Variants in RASGRF2 observed in about 807,000 individuals in gnomAD.
The protein encoded by RASGRF2 is Ras protein specific guanine nucleotide releasing factor 2, also known as ras-specific guanine nucleotide-releasing factor 2.
A neutral mutation model predicts 151.0 loss-of-function variants in RASGRF2; 76 were observed. The ratio of observed to expected loss-of-function variants is 0.50; its 90% CI spans 0.42 to 0.61. RASGRF2 has a LOEUF of 0.61. RASGRF2 is among the 20% of genes least tolerant of loss of function. The pLI is 0.00. For missense variants in RASGRF2, 1,148 were observed against 1,564.6 expected, an observed-to-expected ratio of 0.73 and a Z score of 4.49; for synonymous variants, 504 against 566.5, an observed-to-expected ratio of 0.89 and a Z score of 1.57.
intron 22 of RASGRF2, 35 bp downstream of exon 22, chr5:81,208,473 C>A: frequency 6.9e-7 from 1 of 1,457,256 alleles, no homozygotes; most frequent in South Asian, 1.1e-5. Flanking sequence ...GTGGGCGTGT[C>A]ACAAGAAGAT....
At chr5:81,200,273 A>T (rs1236871717) in intron 18 of RASGRF2, among the ~76,000 whole-genome samples, 2 of 108,646 alleles carry the variant, frequency 1.8e-5, no homozygotes, top group East Asian at 2.2e-4. Context: ...CCTGTGATTT[A>T]AAAAAAAAAA....
intron 5 of RASGRF2, among the ~76,000 whole-genome samples, chr5:81,078,537 G>T (rs150043094): frequency 1.3e-5 from 2 of 152,168 alleles, no homozygotes; most frequent in African/African-American, 4.8e-5. Flanking sequence ...TTAACATAAT[G>T]TGAAGAGGTG....
chr5:81,030,732 A>C (rs1344505913), intron 1 of RASGRF2, among the ~76,000 whole-genome samples: 1 of 152,204 alleles, frequency 6.6e-6, no homozygotes, highest in Non-Finnish European at 1.5e-5. Flanking sequence ...CCAGGAAGAA[A>C]CCGCATCAAC....
intron 9 of RASGRF2, among the ~76,000 whole-genome samples, chr5:81,088,844 T>C (rs941762432): frequency 2.0e-5 from 3 of 152,174 alleles, no homozygotes; most frequent in African/African-American, 7.2e-5. Flanking sequence ...TTCACTGCAA[T>C]TGGAGAGAAA....
intron 14 of RASGRF2, 122 bp downstream of exon 14, chr5:81,112,980 G>T: frequency 7.8e-7 from 1 of 1,281,108 alleles, no homozygotes; most frequent in Non-Finnish European, 1.1e-6. Flanking sequence ...GCTTGCCTCT[G>T]AATGTACCAT....
chr5:81,133,669 C>A (rs1362822211), intron 17 of RASGRF2, among the ~76,000 whole-genome samples: 1 of 152,152 alleles, frequency 6.6e-6, no homozygotes, highest in East Asian at 1.9e-4. Flanking sequence ...GTACTATAAG[C>A]AACTCCTGGT....
chr5:81,029,913 T>G lies in RASGRF2; in HGVS notation c.289-12964T>G, dbSNP rs1453995437. Among the ~76,000 whole-genome samples the G allele has an allele frequency of 2.0e-5, 3 of 152,142 alleles. No homozygotes were observed. The South Asian group carries it at 6.2e-4, about 31-fold the overall frequency. On this transcript the variant is annotated intron_variant, in intron 1 of 26. Transcript: ENST00000265080. ...GAAGCTAAAAACCTTGAAAAAAGAT[T>G]AGATGAATGGCTAACTAGAATAAAC...
chr5:81,220,248 A>G (rs914863767), intron 26 of RASGRF2, among the ~76,000 whole-genome samples: 1 of 152,080 alleles, frequency 6.6e-6, no homozygotes, highest in Non-Finnish European at 1.5e-5. Context: ...TATGGCCCCT[A>G]CTTTTTTCTT....
At chr5:80,984,221 T>C (rs1392704933) in intron 1 of RASGRF2, among the ~76,000 whole-genome samples, 1 of 152,160 alleles carries the variant, frequency 6.6e-6, no homozygotes, top group Non-Finnish European at 1.5e-5. Flanking sequence ...ACCAGGCTAA[T>C]TTTTGTATTT....
At chr5:80,986,808 T>G (rs1748485131) in intron 1 of RASGRF2, among the ~76,000 whole-genome samples, 1 of 152,214 alleles carries the variant, frequency 6.6e-6, no homozygotes, top group Non-Finnish European at 1.5e-5. Flanking sequence ...ATTCTCCACA[T>G]TGCCATGGCA....
intron 26 of RASGRF2, among the ~76,000 whole-genome samples, chr5:81,222,903 A>AAGAAAAACTG (rs1755884412): frequency 6.6e-6 from 1 of 152,256 alleles, no homozygotes; most frequent in Non-Finnish European, 1.5e-5. Context: ...AGAAAAATCT[A>AAGAAAAACTG]AGAAAAACTG....
rs1187452799 is a variant in RASGRF2, at chr5:81,073,398, G to C, written c.833G>C (p.Ser278Thr). 6.2e-7 allele frequency: 1 copy of C among 1,614,152 alleles called. No individual in the cohort carries two copies. Among genetic ancestry groups the C allele is most frequent in the Non-Finnish European group, 8.5e-7 (1 of 1,180,020 alleles). The change falls in exon 5 of 27, where the codon AGC becomes ACC. Residue 278 changes from serine to threonine, a missense_variant. Transcript: ENST00000265080. ...GFLRPLRMAA[S>T]SKKPPISHDD... is the part of the protein sequence containing the mutation. ...CTCCGGCCCCTGCGTATGGCCGCCA[G>C]CTCCAAGAAGCCCCCCATCAGCCAC...
chr5:81,048,963 C>T lies in RASGRF2; in HGVS notation c.395+5980C>T, dbSNP rs557320087. On this transcript the variant is annotated intron_variant, in intron 2 of 26. Coordinates refer to ENST00000265080, the MANE Select transcript of RASGRF2 (RefSeq NM_006909.3). ...AGCCCGGCTTCTTGAAGAAATGGTTCGGTTGCTCTCCTAGGCACGCAGCTC... is the reference window on the plus strand; with the variant it reads ...AGCCCGGCTTCTTGAAGAAATGGTTTGGTTGCTCTCCTAGGCACGCAGCTC... Among the ~76,000 whole-genome samples the T allele has an allele frequency of 5.9e-5, 9 of 152,120 alleles. No homozygotes were observed. In the South Asian group the frequency reaches 1.7e-3, roughly 28 times the overall value.
intron 1 of RASGRF2, among the ~76,000 whole-genome samples, chr5:81,016,864 A>C (rs1561556090): frequency 1.3e-5 from 2 of 152,174 alleles, no homozygotes; most frequent in Non-Finnish European, 2.9e-5. Context: ...TCAAGCTTAA[A>C]AAATATAAAC....
chr5:80,960,615 G>A lies in RASGRF2; in HGVS notation c.-124G>A. On this transcript the variant is annotated 5_prime_UTR_variant, in exon 1 of 27. Transcript: ENST00000265080. The surrounding 1 kb of genome is among the most constrained non-coding windows in gnomAD (Gnocchi z 5.5). ...GCGGGGTGCCCTGCGCGCGGCGTGG[G>A]GAAAGGGGGCGCCCTTCGCCGGCCG... 2.0e-6 allele frequency: 2 copies of A among 979,924 alleles called. No individual in the cohort carries two copies. The highest frequency in any genetic ancestry group is 1.3e-6 in the Non-Finnish European group (1 of 759,186). 60.7% of individuals were successfully genotyped at this position (979,924 alleles called of 1,614,324 possible).
At chr5:81,211,629 A>G (rs1755632978) in intron 22 of RASGRF2, among the ~76,000 whole-genome samples, 1 of 152,226 alleles carries the variant, frequency 6.6e-6, no homozygotes, top group East Asian at 1.9e-4. Flanking sequence ...TCATCAAAGA[A>G]TGGGTGAATC....
intron 1 of RASGRF2, among the ~76,000 whole-genome samples, chr5:80,963,553 A>G (rs944136804): frequency 6.6e-6 from 1 of 152,200 alleles, no homozygotes; most frequent in Non-Finnish European, 1.5e-5. Context: ...TTCTAAGGTT[A>G]TGACAGACAG....
intron 1 of RASGRF2, among the ~76,000 whole-genome samples, chr5:81,024,787 T>G (rs1442564401): frequency 1.3e-5 from 2 of 152,212 alleles, no homozygotes; most frequent in East Asian, 3.9e-4. Context: ...TGTAATACAA[T>G]AAAAAGTTCT....
intron 1 of RASGRF2, among the ~76,000 whole-genome samples, chr5:80,978,312 A>G (rs932183525): frequency 1.3e-5 from 2 of 152,216 alleles, no homozygotes; most frequent in African/African-American, 4.8e-5. Context: ...TTTAAAAAGC[A>G]GTTTTTTATT....
Sources: allele counts gnomAD v4.1 joint callset (sites outside exome capture counted in the v4.1 genomes callset), GRCh38; gene constraint gnomAD v4.1.1; non-coding constraint Gnocchi (gnomAD v3.1); transcripts MANE v1.5; gene names NCBI Gene and HGNC (gene_info 2026-07-23, HGNC 2026-07-21).